DAAM1: variants seen among roughly 807,000 people sequenced by gnomAD.
DAAM1 encodes the protein disheveled-associated activator of morphogenesis 1.
Under a neutral mutation model 130.0 loss-of-function variants are expected in DAAM1, and 52 were observed. The ratio of observed to expected loss-of-function variants is 0.40; its 90% confidence interval spans 0.32 to 0.50. The LOEUF is 0.50. Ranked by LOEUF, DAAM1 falls within the 20% of genes least tolerant of loss-of-function variation. The pLI is 0.61. For missense variants in DAAM1, 1,134 were observed against 1,303.8 expected (o/e 0.87, Z 2.01); for synonymous variants, 452 against 444.5 (o/e 1.02, Z -0.21).
intron 23 of DAAM1, 37 bp from the exon 24 acceptor site, chr14:59,367,392 A>T (rs1227278344): frequency 1.9e-6 from 3 of 1,562,092 alleles, no homozygotes; most frequent in Non-Finnish European, 2.6e-6. Flanking sequence ...TGGAATTCTC[A>T]TGAAACATTG....
chr14:59,196,804 T>G (rs1887910576), intron 1 of DAAM1, among the ~76,000 whole-genome samples: 2 of 152,058 alleles, frequency 1.3e-5, no homozygotes, highest in South Asian at 2.1e-4. Flanking sequence ...TGTAAGAAAT[T>G]AAAGGAAATG....
At chr14:59,354,905 A>C (rs1239072694) in intron 19 of DAAM1, among the ~76,000 whole-genome samples, 1 of 152,256 alleles carries the variant, frequency 6.6e-6, no homozygotes, top group East Asian at 1.9e-4. Context: ...CTGATGAGTC[A>C]GCCAAGAAAG....
At chr14:59,333,499 G>T (rs6573251) in intron 15 of DAAM1, among the ~76,000 whole-genome samples, 48,581 of 151,802 alleles carry the variant, frequency 0.32, 9,372 homozygotes, top group East Asian at 0.7. Context: ...CTCTTTCTCT[G>T]TCTGCTGTCC....
At chr14:59,203,923 C>T (rs1888186448) in intron 1 of DAAM1, among the ~76,000 whole-genome samples, 1 of 152,168 alleles carries the variant, frequency 6.6e-6, no homozygotes, top group South Asian at 2.1e-4. Flanking sequence ...TTTTATTTAA[C>T]AGGGATTATG....
intron 1 of DAAM1, among the ~76,000 whole-genome samples, chr14:59,246,173 T>C (rs1881360658): frequency 6.6e-6 from 1 of 152,182 alleles, no homozygotes; most frequent in South Asian, 2.1e-4. Context: ...ATTTTTCATC[T>C]TGCAAAACTG....
chr14:59,236,109 A>T (rs1889287888), intron 1 of DAAM1, among the ~76,000 whole-genome samples: 1 of 152,062 alleles, frequency 6.6e-6, no homozygotes, highest in African/African-American at 2.4e-5. Context: ...TTATTTATTC[A>T]TTCATTTATT....
At chr14:59,272,812 A>G (rs1882786043) in intron 2 of DAAM1, among the ~76,000 whole-genome samples, 1 of 152,170 alleles carries the variant, frequency 6.6e-6, no homozygotes, top group Non-Finnish European at 1.5e-5. Flanking sequence ...ATGGGCTTAA[A>G]TGTGTGCAGT....
intron 2 of DAAM1, among the ~76,000 whole-genome samples, chr14:59,270,476 C>A (rs1882661921): frequency 6.6e-6 from 1 of 152,158 alleles, no homozygotes; most frequent in Non-Finnish European, 1.5e-5. Context: ...TTAATCTATT[C>A]ATGAGGGATC....
Position 59,326,612 on chromosome 14 carries a change from C to A in DAAM1, c.1277C>A (p.Pro426His). Residue 426 changes from proline (P) to histidine (H), a missense_variant, in exon 11 of 25, where the codon CCT (proline) becomes CAT (histidine). By Grantham distance (77) the Pro-to-His change is moderately conservative. Coordinates refer to ENST00000360909, the MANE Select transcript of DAAM1 (RefSeq NM_001270520.2). ...AAAGGACAGGACCCTGACTCCACAC[C>A]TTTGGAAAACTTTAATATTAAGAAT... is the stretch of plus-strand genomic sequence containing the variant. ...NDKGQDPDST[P>H]LENFNIKNVV... 1.2e-6 allele frequency: 2 copies of A among 1,613,638 alleles called. No homozygotes were observed.
At chr14:59,293,347 C>T (rs973783291) in intron 3 of DAAM1, among the ~76,000 whole-genome samples, 1 of 152,134 alleles carries the variant, frequency 6.6e-6, no homozygotes. Context: ...TAGTAATGAC[C>T]TCGGGCTTGC....
intron 2 of DAAM1, among the ~76,000 whole-genome samples, chr14:59,270,217 G>C (rs1882647652): frequency 6.6e-6 from 1 of 152,082 alleles, no homozygotes. Flanking sequence ...CCTGAGGCTG[G>C]GTAATTTATA....
chr14:59,351,998 A>T (rs1029668343), intron 17 of DAAM1, among the ~76,000 whole-genome samples: 1 of 151,008 alleles, frequency 6.6e-6, no homozygotes, highest in African/African-American at 2.5e-5. Flanking sequence ...ATGGAAGGGG[A>T]AAAAAAAAGA....
intron 15 of DAAM1, among the ~76,000 whole-genome samples, chr14:59,336,780 CA>C (rs1885644537): frequency 6.6e-6 from 1 of 152,180 alleles, no homozygotes; most frequent in Non-Finnish European, 1.5e-5. Flanking sequence ...ACTTGATCAT[CA>C]GGTTGAAAGA....
intron 1 of DAAM1, among the ~76,000 whole-genome samples, chr14:59,203,229 C>CG (rs1660575112): frequency 6.9e-6 from 1 of 143,972 alleles, no homozygotes; most frequent in South Asian, 2.2e-4. Flanking sequence ...AGCATGGTCT[C>CG]GATCTCCTGA....
At chr14:59,247,321 A>G (rs1350061748) in intron 1 of DAAM1, among the ~76,000 whole-genome samples, 1 of 152,184 alleles carries the variant, frequency 6.6e-6, no homozygotes, top group African/African-American at 2.4e-5. Flanking sequence ...CAGAAAGTAC[A>G]AGACCTCCAG....
intron 2 of DAAM1, among the ~76,000 whole-genome samples, chr14:59,278,763 G>C (rs1027952357): frequency 7.2e-5 from 11 of 152,160 alleles, no homozygotes; most frequent in Non-Finnish European, 1.5e-5. Context: ...GAAAGGATAA[G>C]AATATTTTAA....
In DAAM1 at chr14:59,326,913, C is replaced by G. The variant is rs1201991387; in HGVS notation, c.1314-20C>G. 1 of 1,613,046 alleles carries G rather than the reference C, an allele frequency of 6.2e-7. No homozygotes were observed. Among genetic ancestry groups the G allele is most frequent in the Non-Finnish European group, 8.5e-7 (1 of 1,179,666 alleles). ...CCTTTTATATTTTTTGTAATAAATG[C>G]TCCTTGAACTCTTACACAGGTTGGT... is the stretch of plus-strand genomic sequence containing the variant. On this transcript the variant is annotated intron_variant, in intron 11 of 24. Transcript: ENST00000360909.
intron 1 of DAAM1, among the ~76,000 whole-genome samples, chr14:59,243,627 T>G (rs1313962615): frequency 1.3e-5 from 2 of 152,152 alleles, no homozygotes; most frequent in Non-Finnish European, 2.9e-5. Context: ...CCCTTGAACT[T>G]GGTTTGGATT....
chr14:59,223,662 A>C (rs955280455), intron 1 of DAAM1, among the ~76,000 whole-genome samples: 1 of 152,218 alleles, frequency 6.6e-6, no homozygotes, highest in African/African-American at 2.4e-5. Context: ...TGGGTCACTC[A>C]GTAAGTGGGC....
Sources: allele counts gnomAD v4.1 joint callset (sites outside exome capture counted in the v4.1 genomes callset), GRCh38; gene constraint gnomAD v4.1.1; transcripts MANE v1.5; gene names NCBI Gene and HGNC (gene_info 2026-07-23, HGNC 2026-07-21).